UNC5D: variants seen among roughly 807,000 people sequenced by gnomAD.
UNC5D encodes the protein netrin receptor UNC5D.
In UNC5D, 39 loss-of-function variants were observed where a neutral mutation model predicts 105.4. That is an observed-to-expected ratio of 0.37 (90% CI 0.29 to 0.48). The LOEUF is 0.48. Among genes scored for constraint, UNC5D ranks in the 20% least tolerant of loss-of-function variants. UNC5D has a pLI of 0.98. For synonymous variants in UNC5D, 452 were observed against 450.4 expected, an observed-to-expected ratio of 1.00 and a Z score of -0.04; for missense variants, 991 against 1,202.4, an observed-to-expected ratio of 0.82 and a Z score of 2.60.
At chr8:35,586,395 C>T (rs1818795368) in intron 3 of UNC5D, among the ~76,000 whole-genome samples, 1 of 152,094 alleles carries the variant, frequency 6.6e-6, no homozygotes, top group African/African-American at 2.4e-5. Flanking sequence ...AAAAATTCAC[C>T]TAACAGAAAG....
intron 10 of UNC5D, among the ~76,000 whole-genome samples, chr8:35,729,056 G>A (rs1417246228): frequency 1.3e-5 from 2 of 152,136 alleles, no homozygotes; most frequent in Non-Finnish European, 2.9e-5. Flanking sequence ...AGGAGGAGTG[G>A]GGGAAGTATG....
At chr8:35,607,908 G>A (rs1349371899) in intron 4 of UNC5D, among the ~76,000 whole-genome samples, 1 of 152,028 alleles carries the variant, frequency 6.6e-6, no homozygotes, top group Non-Finnish European at 1.5e-5. Context: ...ACATAGATAC[G>A]TCACTCAGTC....
At chr8:35,556,115 T>A (rs1482700483) in intron 2 of UNC5D, among the ~76,000 whole-genome samples, 10 of 152,124 alleles carry the variant, frequency 6.6e-5, no homozygotes. Context: ...TAGCACCTAA[T>A]ACATGTGACA....
intron 1 of UNC5D, among the ~76,000 whole-genome samples, chr8:35,415,560 C>T (rs1164603773): frequency 2.6e-5 from 4 of 152,094 alleles, no homozygotes; most frequent in African/African-American, 7.2e-5. Flanking sequence ...CCCTGATTCC[C>T]TTTCATCAAG....
chr8:35,686,780 A>C (rs1586434082), intron 7 of UNC5D, 71 bp downstream of exon 7: 1 of 1,496,432 alleles, frequency 6.7e-7, no homozygotes, highest in Non-Finnish European at 8.9e-7. Context: ...AAAGTAAGCT[A>C]CAGCCATTAA....
At chr8:35,551,203 G>A (rs1816111034) in intron 2 of UNC5D, among the ~76,000 whole-genome samples, 1 of 152,176 alleles carries the variant, frequency 6.6e-6, no homozygotes, top group African/African-American at 2.4e-5. Flanking sequence ...GAGAAGGTAA[G>A]AACTGGTTCA....
intron 1 of UNC5D, among the ~76,000 whole-genome samples, chr8:35,367,314 C>T (rs1802173902): frequency 6.6e-6 from 1 of 152,144 alleles, no homozygotes; most frequent in Admixed American, 6.6e-5. Context: ...TCATGCCCTT[C>T]CACAGTTCCT....
At chr8:35,241,853 T>C (rs931401888) in intron 1 of UNC5D, among the ~76,000 whole-genome samples, 11 of 152,200 alleles carry the variant, frequency 7.2e-5, no homozygotes, top group African/African-American at 2.7e-4. Context: ...ATTGTTCTCT[T>C]TCAGCTATTT....
At chr8:35,749,385 C>G (rs1830155250) in intron 12 of UNC5D, among the ~76,000 whole-genome samples, 1 of 152,288 alleles carries the variant, frequency 6.6e-6, no homozygotes, top group South Asian at 2.1e-4. Flanking sequence ...TCCTTTATGT[C>G]CATCTGCAGT....
rs1828629665 is a variant in UNC5D at position 35,722,387 on chromosome 8, T to A, written c.1295T>A (p.Val432Asp). The part of the protein sequence containing the change: ...GGFQTFNFKT[V>D]RQGNSLLLNS... ...TTCCAGACCTTCAACTTCAAAACAG[T>A]CCGTCAAGGTCAGCGGCATAGGTCC... Residue 432 changes from valine to aspartate, a missense_variant, in exon 9 of 17, where the codon GTC becomes GAC. Physicochemically the swap from Val to Asp is radical, Grantham distance 152. This residue lies in a region of UNC5D where 944 missense variants were observed against 1,131.6 expected (regional missense o/e 0.83). Coordinates refer to ENST00000404895, the MANE Select transcript of UNC5D (RefSeq NM_080872.4). 6.2e-7 allele frequency: 1 copy of A among 1,613,490 alleles called. No individual in the cohort carries two copies. The highest frequency in any genetic ancestry group is 8.5e-7 in the Non-Finnish European group (1 of 1,179,882).
At chr8:35,710,537 G>A (rs527520693) in intron 8 of UNC5D, among the ~76,000 whole-genome samples, 2 of 152,186 alleles carry the variant, frequency 1.3e-5, no homozygotes, top group South Asian at 2.1e-4. Flanking sequence ...AGAAGTGCAG[G>A]CTGGTACCAT....
intron 1 of UNC5D, among the ~76,000 whole-genome samples, chr8:35,298,969 C>A (rs888786654): frequency 6.6e-6 from 1 of 152,192 alleles, no homozygotes; most frequent in East Asian, 1.9e-4. Context: ...AAAATTGGTA[C>A]ACCTGCAGTA....
intron 11 of UNC5D, among the ~76,000 whole-genome samples, chr8:35,732,940 G>T (rs1354656018): frequency 6.6e-6 from 1 of 152,132 alleles, no homozygotes; most frequent in Admixed American, 6.5e-5. Context: ...GCCTCCTGTG[G>T]TCACCCCTTG....
chr8:35,354,801 G>A (rs768316897), intron 1 of UNC5D, among the ~76,000 whole-genome samples: 4 of 152,108 alleles, frequency 2.6e-5, no homozygotes, highest in Non-Finnish European at 5.9e-5. Flanking sequence ...TGGATGGTTT[G>A]TTTTCCATCC....
At chr8:35,708,151 A>C (rs2131465532) in intron 8 of UNC5D, among the ~76,000 whole-genome samples, 1 of 152,322 alleles carries the variant, frequency 6.6e-6, no homozygotes, top group Non-Finnish European at 1.5e-5. Context: ...GATCTTCCAT[A>C]AGGCCTGGCA....
At chr8:35,451,010 T>A (rs544417631) in intron 1 of UNC5D, among the ~76,000 whole-genome samples, 1 of 151,900 alleles carries the variant, frequency 6.6e-6, no homozygotes, top group South Asian at 2.1e-4. Context: ...TATAACCCTA[T>A]CATAAATCGA....
intron 4 of UNC5D, among the ~76,000 whole-genome samples, chr8:35,606,416 T>G (rs1228873589): frequency 6.6e-6 from 1 of 152,242 alleles, no homozygotes; most frequent in Non-Finnish European, 1.5e-5. Flanking sequence ...TGCTGTTGTC[T>G]ATGGCTTTCT....
At chr8:35,456,472 C>A (rs1360667610) in intron 1 of UNC5D, among the ~76,000 whole-genome samples, 9 of 152,172 alleles carry the variant, frequency 5.9e-5, no homozygotes, top group African/African-American at 1.9e-4. Context: ...CAATTAGCTC[C>A]TTTTTGTGGA....
chr8:35,576,983 C>T (rs917739592), intron 3 of UNC5D, among the ~76,000 whole-genome samples: 6 of 152,168 alleles, frequency 3.9e-5, no homozygotes, highest in Non-Finnish European at 7.3e-5. Context: ...ACAAAGAATT[C>T]CCTTAAGCCC....
Sources: gnomAD v4.1 joint callset for allele counts (sites outside exome capture counted in the v4.1 genomes callset) on GRCh38, gnomAD v4.1.1 for gene constraint, gnomAD v4.1.1 regional missense constraint, MANE v1.5 for transcripts, NCBI Gene and HGNC (gene_info 2026-07-23, HGNC 2026-07-21) for gene names.